TRIM2: variants seen among roughly 807,000 people sequenced by gnomAD.
The protein encoded by TRIM2 is tripartite motif-containing protein 2.
A neutral mutation model predicts 75.2 loss-of-function variants in TRIM2; 20 were observed. That is an observed-to-expected ratio of 0.27 (90% confidence interval 0.19 to 0.39). The LOEUF (loss-of-function observed/expected upper bound fraction) is 0.39. Among genes scored for constraint, TRIM2 ranks in the 10% least tolerant of loss-of-function variants. The probability of loss-of-function intolerance (pLI) is 1.00; values close to 1 mark genes in which losing one functional copy is unlikely to be tolerated. For missense variants in TRIM2, 660 were observed against 990.8 expected (o/e 0.67, Z 4.48); for synonymous variants, 373 against 388.3 (o/e 0.96, Z 0.46).
At chr4:153,262,934 T>G (rs1753938211) in intron 1 of TRIM2, among the ~76,000 whole-genome samples, 2 of 152,256 alleles carry the variant, frequency 1.3e-5, no homozygotes, top group Admixed American at 6.5e-5. Flanking sequence ...GGCGCTTTCA[T>G]GTACTCAATA....
intron 6 of TRIM2, among the ~76,000 whole-genome samples, chr4:153,314,736 T>G (rs185752392): frequency 6.6e-6 from 1 of 152,158 alleles, no homozygotes; most frequent in Non-Finnish European, 1.5e-5. Flanking sequence ...CTCTGAGATA[T>G]TGAATCTTTG....
intron 11 of TRIM2, among the ~76,000 whole-genome samples, chr4:153,332,226 AAGAT>A (rs1435383865): frequency 2.0e-5 from 3 of 152,242 alleles, no homozygotes; most frequent in African/African-American, 4.8e-5. Flanking sequence ...AGAGGATAAA[AAGAT>A]AGGCAACAGA....
intron 1 of TRIM2, among the ~76,000 whole-genome samples, chr4:153,252,256 T>A (rs1300708895): frequency 6.6e-6 from 1 of 152,180 alleles, no homozygotes; most frequent in African/African-American, 2.4e-5. Flanking sequence ...ATCACCTCTC[T>A]ACTTAGCTGG....
At chr4:153,257,237 TG>T in intron 1 of TRIM2, 1 of 233,104 alleles carries the variant, frequency 4.3e-6, no homozygotes, top group Non-Finnish European at 8.0e-6. Flanking sequence ...AGTCACTTTC[TG>T]GTGATGGAGC....
At chr4:153,273,557 T>G (rs1757371150) in intron 2 of TRIM2, among the ~76,000 whole-genome samples, 1 of 147,504 alleles carries the variant, frequency 6.8e-6, no homozygotes, top group Admixed American at 7.0e-5. Context: ...CCTCCCAGAG[T>G]GCTGGCATTA....
At chr4:153,157,952 C>G (rs1729389751) in intron 1 of TRIM2, among the ~76,000 whole-genome samples, 1 of 152,196 alleles carries the variant, frequency 6.6e-6, no homozygotes, top group African/African-American at 2.4e-5. Context: ...ATGTCAGGCT[C>G]TGACTATTTC....
intron 1 of TRIM2, chr4:153,153,331 G>C (rs999509847): frequency 3.9e-5 from 6 of 152,274 alleles, no homozygotes; most frequent in Admixed American, 3.3e-4. Context: ...CTTCCAGACC[G>C]GTGGCGGGGA....
chr4:153,269,426 C>T (rs776253881), intron 1 of TRIM2, among the ~76,000 whole-genome samples: 2 of 152,078 alleles, frequency 1.3e-5, no homozygotes, highest in Non-Finnish European at 2.9e-5. Context: ...GGCACCTTTA[C>T]AAATGGAAAT....
intron 1 of TRIM2, among the ~76,000 whole-genome samples, chr4:153,188,930 C>T (rs540922254): frequency 6.6e-6 from 1 of 152,290 alleles, no homozygotes; most frequent in African/African-American, 2.4e-5. Context: ...AACCTGGCCC[C>T]TGCTTACCAC....
At chr4:153,220,999 A>G (rs1739803914) in intron 1 of TRIM2, among the ~76,000 whole-genome samples, 1 of 152,220 alleles carries the variant, frequency 6.6e-6, no homozygotes, top group Non-Finnish European at 1.5e-5. Context: ...GTAAATACCC[A>G]AGAGAAATGA....
intron 1 of TRIM2, among the ~76,000 whole-genome samples, chr4:153,229,940 CTGCA>C (rs923203152): frequency 9.8e-5 from 15 of 152,326 alleles, no homozygotes; most frequent in African/African-American, 3.6e-4. Context: ...CTTTCTACCT[CTGCA>C]GAGTTTAGTC....
At position 153,169,650 on chromosome 4, in the gene TRIM2, C is replaced by CA. The variant is rs199578986; in HGVS notation, c.-49+16388dup. ...ATTTATATGATGTTTTACTAAAAAA[C>CA]AAAAAAAATTAAGCCATAGAATTTG... On this transcript the variant is annotated intron_variant, in intron 1 of 11. Transcript: ENST00000437508. Among the ~76,000 whole-genome samples the CA allele has an allele frequency of 1.9e-4, 29 of 151,526 alleles. No individual in the cohort carries two copies. In the East Asian group the frequency reaches 5.0e-3, roughly 26 times the overall value.
intron 1 of TRIM2, among the ~76,000 whole-genome samples, chr4:153,190,089 C>CAGAGCTTGCAGATGGAG (rs1733025023): frequency 6.6e-6 from 1 of 152,160 alleles, no homozygotes; most frequent in East Asian, 1.9e-4. Flanking sequence ...CAGCAAATTC[C>CAGAGCTTGCAGATGGAG]TTTCGGCTTG....
chr4:153,159,296 C>CTTTTTT lies in TRIM2; in HGVS notation c.-49+6043_-49+6048dup, dbSNP rs11318531. Among the ~76,000 whole-genome samples the CTTTTTT allele has an allele frequency of 8.9e-3, 797 of 89,194 alleles. 7 individuals carry two copies. The highest frequency in any genetic ancestry group is 0.011 in the Non-Finnish European group (546 of 50,128). 58.5% of individuals were successfully genotyped at this position (89,194 alleles called of 152,430 possible). A position where few individuals can be genotyped will look rare whatever the true frequency, so the allele number is the denominator to read the frequency against. ...GAAGTTCATTGAGTTTTTACAAAAT[C>CTTTTTT]TTTTTTTTTTTTTTTTTTTTTTGTA... On this transcript the variant is annotated intron_variant, in intron 1 of 11. Transcript: ENST00000437508.
intron 6 of TRIM2, 133 bp downstream of exon 6, chr4:153,296,169 A>T: frequency 3.4e-6 from 4 of 1,186,038 alleles, no homozygotes; most frequent in Non-Finnish European, 4.4e-6. Flanking sequence ...ACTGCTATAA[A>T]ATTTGATATA....
At chr4:153,236,373 C>T (rs1745033541) in intron 1 of TRIM2, among the ~76,000 whole-genome samples, 1 of 152,144 alleles carries the variant, frequency 6.6e-6, no homozygotes, top group Non-Finnish European at 1.5e-5. Context: ...CTTACTCCCT[C>T]ACTGTGCCCC....
At chr4:153,290,207 C>T (rs1480693436) in intron 3 of TRIM2, among the ~76,000 whole-genome samples, 1 of 152,162 alleles carries the variant, frequency 6.6e-6, no homozygotes, top group Admixed American at 6.5e-5. Flanking sequence ...GCTCATTTAT[C>T]CTGCCTTCTG....
chr4:153,240,937 C>T (rs1426831273), intron 1 of TRIM2, among the ~76,000 whole-genome samples: 4 of 152,074 alleles, frequency 2.6e-5, no homozygotes, highest in African/African-American at 9.7e-5. Context: ...ATTAGCTGGG[C>T]GTGGTGACGC....
At chr4:153,325,205 G>A (rs1399040635) in intron 10 of TRIM2, among the ~76,000 whole-genome samples, 1 of 152,212 alleles carries the variant, frequency 6.6e-6, no homozygotes, top group Non-Finnish European at 1.5e-5. Flanking sequence ...CTGAGTAAAT[G>A]GAGAGGGCTT....
Sources: allele counts gnomAD v4.1 joint callset (sites outside exome capture counted in the v4.1 genomes callset), GRCh38; gene constraint gnomAD v4.1.1; transcripts MANE v1.5; gene names NCBI Gene and HGNC (gene_info 2026-07-23, HGNC 2026-07-21).